Variants in ZC3H11A observed in about 807,000 individuals in gnomAD.
The protein encoded by ZC3H11A is zinc finger CCCH domain-containing protein 11A.
ZC3H11A carries 22 observed loss-of-function variants against 90.8 expected under a neutral mutation model. The ratio of observed to expected loss-of-function variants is 0.24; its 90% CI spans 0.17 to 0.35. ZC3H11A has a LOEUF of 0.35. ZC3H11A is among the 10% of genes least tolerant of loss of function. The pLI is 1.00. For synonymous variants in ZC3H11A, 294 were observed against 339.8 expected, an observed-to-expected ratio of 0.87 and a Z score of 1.48; for missense variants, 701 against 964.9, an observed-to-expected ratio of 0.73 and a Z score of 3.62.
chr1:203,819,085 T>TACACAC (rs1329539748), intron 4 of ZC3H11A, among the ~76,000 whole-genome samples: 6 of 66,040 alleles, frequency 9.1e-5, no homozygotes, highest in East Asian at 8.8e-4. Flanking sequence ...AAAATATATA[T>TACACAC]ATATACACAC....
At position 203,801,801 on chromosome 1, in the gene ZC3H11A, G is replaced by T. The variant is rs1256820064; in HGVS notation, c.-1361G>T. On this transcript the variant is annotated 5_prime_UTR_variant, in exon 2 of 18. Transcript: ENST00000367210. ...ACTCATTTCTATGTATCAAAATCGG[G>T]TTTTTTTTGGTTTTGATTTTTTTTT... is the stretch of plus-strand genomic sequence containing the variant. 4 of 115,566 alleles carry T rather than the reference G, an allele frequency of 3.5e-5. No homozygotes were observed. The highest frequency in any genetic ancestry group is 4.8e-3 in the Middle Eastern group (1 of 208). 7.2% of individuals were successfully genotyped at this position (115,566 alleles called of 1,614,324 possible).
Position 203,848,202 on chromosome 1 carries a change from G to C in ZC3H11A, c.1547-129G>C, listed in dbSNP as rs138329606. 411 of 789,812 alleles carry C rather than the reference G, an allele frequency of 5.2e-4. 3 individuals carry two copies. In the African/African-American group the frequency reaches 6.3e-3, roughly 12 times the overall value. 48.9% of individuals were successfully genotyped at this position (789,812 alleles called of 1,614,324 possible). A position where few individuals can be genotyped will look rare whatever the true frequency, so the allele number is the denominator to read the frequency against. On this transcript the variant is annotated intron_variant, in intron 13 of 17. Coordinates refer to ENST00000367210, the MANE Select transcript of ZC3H11A (RefSeq NM_001376342.1). ...TGTATTTTGAGACTTTAGGAGCACA[G>C]ATGGGCTTTATCTGTAATTTTATTT...
In ZC3H11A at chr1:203,818,560, T is replaced by G; in HGVS notation, c.55-10T>G. Reference sequence around the variant, plus strand: ...ATGCTACAAATAGAGTGTTCTCTATTTGTTTACAGGGTGACAGCTGCCCAT... The same window carrying G: ...ATGCTACAAATAGAGTGTTCTCTATGTGTTTACAGGGTGACAGCTGCCCAT... On this transcript the variant is annotated splice_polypyrimidine_tract_variant and intron_variant, in intron 3 of 17. Coordinates refer to ENST00000367210, the MANE Select transcript of ZC3H11A (RefSeq NM_001376342.1). 1 of 1,613,956 alleles carries G rather than the reference T, an allele frequency of 6.2e-7. No homozygotes were observed. Among genetic ancestry groups the G allele is most frequent in the Non-Finnish European group, 8.5e-7 (1 of 1,179,906 alleles).
intron 12 of ZC3H11A, among the ~76,000 whole-genome samples, chr1:203,846,337 A>G (rs1328889850): frequency 1.3e-5 from 2 of 152,188 alleles, no homozygotes; most frequent in African/African-American, 2.4e-5. Context: ...TTAGACAGAT[A>G]TAGAACGATT....
intron 1 of ZC3H11A, chr1:203,798,852 T>G (rs1043139444): frequency 1.3e-6 from 2 of 1,536,020 alleles, no homozygotes; most frequent in African/African-American, 1.4e-5. Context: ...GGCCCCTGAT[T>G]ATAGGTTGCC....
Position 203,847,619 on chromosome 1 carries a change from C to G in ZC3H11A, c.1478C>G (p.Thr493Ser). Residue 493 changes from threonine to serine, a missense_variant, in exon 13 of 18, where the codon ACC (threonine) becomes AGC (serine). Around this residue, in one of 4 missense-constraint regions of ZC3H11A, gnomAD observed 530 missense variants for 696.2 expected, o/e 0.76. Coordinates refer to ENST00000367210, the MANE Select transcript of ZC3H11A (RefSeq NM_001376342.1). ...LRVQQSSESS[T>S]SSPSQHEATP... ...GTGCAGCAGAGCTCTGAGAGCAGCA[C>G]CAGCTCCCCGTCTCAACACGAGGCC... 2.5e-6 allele frequency: 4 copies of G among 1,613,390 alleles called. No individual in the cohort carries two copies. The highest frequency in any genetic ancestry group is 3.4e-6 in the Non-Finnish European group (4 of 1,179,990).
At chr1:203,800,647 A>G (rs1054167468) in intron 1 of ZC3H11A, 5 of 512,148 alleles carry the variant, frequency 9.8e-6, no homozygotes, top group African/African-American at 2.0e-5. Context: ...TTTCATAGCT[A>G]TAACTGTGGC....
At position 203,850,994 on chromosome 1, in the gene ZC3H11A, A is replaced by C. The variant is rs1689109680; in HGVS notation, c.2107-63A>C. ...CAATTCTAAGAAGGCAGCAAAAGAA[A>C]ATGAATATGCTCAAATTAAAAAGCC... is the stretch of plus-strand genomic sequence containing the variant. On this transcript the variant is annotated intron_variant, in intron 16 of 17. Transcript: ENST00000367210. 1.9e-6 allele frequency: 3 copies of C among 1,568,688 alleles called. No individual in the cohort carries two copies. In the Admixed American group the frequency reaches 5.4e-5, roughly 28 times the overall value.
chr1:203,832,804 T>C (rs1473790272), intron 9 of ZC3H11A, among the ~76,000 whole-genome samples: 5 of 152,248 alleles, frequency 3.3e-5, no homozygotes, highest in Admixed American at 3.3e-4. Context: ...GAGATAGTTA[T>C]ATTGGACAGT....
chr1:203,803,112 A>G (rs902810757), intron 2 of ZC3H11A, 96 bp downstream of exon 2: 4 of 152,372 alleles, frequency 2.6e-5, no homozygotes, highest in African/African-American at 9.6e-5. Flanking sequence ...TTAAAAGGCC[A>G]TTGTTCAGAC....
At chr1:203,828,200 T>A in intron 4 of ZC3H11A, 99 bp from the exon 5 acceptor site, 1 of 1,445,806 alleles carries the variant, frequency 6.9e-7, no homozygotes. Context: ...ATGCCTCGGA[T>A]TTTTGAACCC....
chr1:203,800,303 A>C, intron 1 of ZC3H11A: 1 of 908,522 alleles, frequency 1.1e-6, no homozygotes, highest in Non-Finnish European at 1.7e-6. Context: ...ACTTTCATCC[A>C]AAACAGATCA....
chr1:203,815,027 G>A (rs185101272), intron 2 of ZC3H11A: 126 of 151,492 alleles, frequency 8.3e-4, no homozygotes, highest in African/African-American at 2.6e-3. Context: ...ATGGGGTTTC[G>A]CCATGTTGTC....
intron 11 of ZC3H11A, 37 bp downstream of exon 11, chr1:203,838,101 A>G (rs377581849): frequency 6.3e-7 from 1 of 1,586,716 alleles, no homozygotes; most frequent in African/African-American, 1.3e-5. Flanking sequence ...TGTGTATGTA[A>G]TTATGACACT....
chr1:203,841,308 T>C (rs191534838), intron 12 of ZC3H11A, among the ~76,000 whole-genome samples: 70 of 152,270 alleles, frequency 4.6e-4, no homozygotes, highest in Non-Finnish European at 8.4e-4. Context: ...TGCGGCCTTC[T>C]GCAGTGTTTG....
In ZC3H11A at chr1:203,847,291, G is replaced by C. The variant is rs771938050; in HGVS notation, c.1150G>C (p.Gly384Arg). 1 of 1,613,828 alleles carries C rather than the reference G, an allele frequency of 6.2e-7. No homozygotes were observed. The highest frequency in any genetic ancestry group is 8.5e-7 in the Non-Finnish European group (1 of 1,179,856). Reference protein sequence around the residue: ...GELQTKLKTEGPSKTDDSTSG... With the variant: ...GELQTKLKTERPSKTDDSTSG... ...ATTGCAAACTAAACTCAAGACAGAA[G>C]GACCTTCAAAAACTGATGATTCTAC... Residue 384 changes from glycine (G) to arginine (R), a missense_variant, in exon 13 of 18, where the codon GGA becomes CGA. By Grantham distance (125) the Gly-to-Arg change is moderately radical (BLOSUM62 -2). Transcript: ENST00000367210.
intron 5 of ZC3H11A, among the ~76,000 whole-genome samples, chr1:203,828,814 C>T (rs1026449120): frequency 6.6e-6 from 1 of 152,124 alleles, no homozygotes; most frequent in African/African-American, 2.4e-5. Flanking sequence ...TGTGCTAGTG[C>T]TATAGAATTG....
chr1:203,806,165 T>C, intron 2 of ZC3H11A: 1 of 498,160 alleles, frequency 2.0e-6, no homozygotes, highest in Non-Finnish European at 4.0e-6. Flanking sequence ...AATCTAGAAA[T>C]CTTGTCAGTG....
chr1:203,811,137 C>G (rs1674345663), intron 2 of ZC3H11A, among the ~76,000 whole-genome samples: 1 of 136,068 alleles, frequency 7.3e-6, no homozygotes, highest in South Asian at 2.3e-4. Flanking sequence ...GAGTGAAACT[C>G]TGTCACAAAA....
Sources: allele counts gnomAD v4.1 joint callset (sites outside exome capture counted in the v4.1 genomes callset), GRCh38; gene constraint gnomAD v4.1.1; regional missense constraint gnomAD v4.1.1; transcripts MANE v1.5; gene names NCBI Gene and HGNC (gene_info 2026-07-23, HGNC 2026-07-21).